The following RHBDD1 variants were observed in gnomAD, a reference collection of about 807,000 sequenced individuals.
RHBDD1 encodes rhomboid domain containing 1.
In RHBDD1, 38 loss-of-function variants were observed where a neutral mutation model predicts 36.3. That is an observed-to-expected ratio of 1.05 (90% confidence interval 0.81 to 1.37). The LOEUF is 1.37. RHBDD1 is among the 40% of genes most tolerant of loss of function. The pLI is 0.00. For missense variants in RHBDD1, 393 were observed against 377.6 expected, an observed-to-expected ratio of 1.04 and a Z score of -0.34; for synonymous variants, 151 against 136.5, an observed-to-expected ratio of 1.11 and a Z score of -0.74.
chr2:226,803,308 A>ATGTGTG, the RHBDD1 span, among the ~76,000 whole-genome samples: 1,391 of 149,362 alleles, frequency 9.3e-3, 21 homozygotes, highest in African/African-American at 0.032. Flanking sequence ...GATGACTAAA[A>ATGTGTG]TGTGTGTGTG....
At chr2:226,930,692 T>C (rs568976670) in intron 8 of RHBDD1, among the ~76,000 whole-genome samples, 65 of 151,630 alleles carry the variant, frequency 4.3e-4, no homozygotes, top group African/African-American at 1.5e-3. Flanking sequence ...ATTATCAGAG[T>C]AAAATACAAC....
intron 8 of RHBDD1, among the ~76,000 whole-genome samples, chr2:226,916,457 C>G (rs1948917993): frequency 6.6e-6 from 1 of 152,112 alleles, no homozygotes; most frequent in Non-Finnish European, 1.5e-5. Context: ...ACTGGGCTAT[C>G]CATGAAATAT....
chr2:226,838,486 C>T (rs1431557585), intron 2 of RHBDD1, among the ~76,000 whole-genome samples: 1 of 152,138 alleles, frequency 6.6e-6, no homozygotes, highest in African/African-American at 2.4e-5. Flanking sequence ...AACATCCTCC[C>T]CACTTGAATT....
At chr2:226,839,297 A>G (rs1941354490) in intron 2 of RHBDD1, 112 bp from the exon 3 acceptor site, 1 of 152,178 alleles carries the variant, frequency 6.6e-6, no homozygotes, top group Admixed American at 6.5e-5. Flanking sequence ...GTATATGTAA[A>G]TGTTCTTTAA....
chr2:226,967,070 A>G (rs1040473093), intron 8 of RHBDD1, among the ~76,000 whole-genome samples: 8 of 152,166 alleles, frequency 5.3e-5, no homozygotes, highest in African/African-American at 1.4e-4. Flanking sequence ...TTTTCTAACA[A>G]ATTCCCTGAT....
At chr2:226,815,342 A>G in the RHBDD1 span, among the ~76,000 whole-genome samples, 1 of 152,212 alleles carries the variant, frequency 6.6e-6, no homozygotes, top group Non-Finnish European at 1.5e-5. Context: ...TTATTTTTAT[A>G]TCTTCTAACA....
chr2:226,844,935 G>C (rs1165078732), intron 3 of RHBDD1, among the ~76,000 whole-genome samples: 1 of 152,108 alleles, frequency 6.6e-6, no homozygotes, highest in Non-Finnish European at 1.5e-5. Flanking sequence ...TATTTTTTAT[G>C]TATAAATATA....
intron 5 of RHBDD1, among the ~76,000 whole-genome samples, chr2:226,875,929 G>GGT (rs1185971617): frequency 5.3e-5 from 8 of 152,206 alleles, no homozygotes; most frequent in Admixed American, 5.2e-4. Context: ...ACATGTGAAG[G>GGT]ATTCTGAAAA....
intron 3 of RHBDD1, among the ~76,000 whole-genome samples, chr2:226,855,012 G>A (rs1281753065): frequency 6.6e-6 from 1 of 152,178 alleles, no homozygotes; most frequent in East Asian, 1.9e-4. Context: ...CAATTTAGTG[G>A]TCTTAAATCC....
chr2:226,901,659 G>A (rs1947607564), intron 5 of RHBDD1, among the ~76,000 whole-genome samples: 1 of 152,058 alleles, frequency 6.6e-6, no homozygotes, highest in African/African-American at 2.4e-5. Context: ...TCATGTACCT[G>A]TTGCCCATTC....
At chr2:226,862,030 A>G (rs976850950) in intron 3 of RHBDD1, among the ~76,000 whole-genome samples, 2 of 152,024 alleles carry the variant, frequency 1.3e-5, no homozygotes, top group Non-Finnish European at 2.9e-5. Context: ...ATGCATACAC[A>G]TATATATATA....
intron 8 of RHBDD1, among the ~76,000 whole-genome samples, chr2:226,954,791 C>T (rs370728798): frequency 1.3e-5 from 2 of 151,916 alleles, no homozygotes; most frequent in East Asian, 3.9e-4. Flanking sequence ...TCACCAAAGA[C>T]CTTTCTAAGG....
intron 8 of RHBDD1, among the ~76,000 whole-genome samples, chr2:226,959,243 G>A (rs765493399): frequency 2.6e-5 from 4 of 152,140 alleles, no homozygotes; most frequent in South Asian, 2.1e-4. Context: ...CGTATAACAC[G>A]TAGCAAGCTA....
intron 6 of RHBDD1, among the ~76,000 whole-genome samples, chr2:226,907,968 C>CT (rs1349882875): frequency 6.6e-6 from 1 of 151,896 alleles, no homozygotes; most frequent in African/African-American, 2.4e-5. Context: ...CATGATGAAG[C>CT]GGTTAGTAAA....
intron 3 of RHBDD1, among the ~76,000 whole-genome samples, chr2:226,843,199 G>A (rs1941858810): frequency 6.6e-6 from 1 of 152,120 alleles, no homozygotes. Flanking sequence ...TCTAGATATA[G>A]GATCATGTCA....
chr2:226,986,438 G>C (rs561204310), intron 8 of RHBDD1, among the ~76,000 whole-genome samples: 1 of 151,910 alleles, frequency 6.6e-6, no homozygotes, highest in Non-Finnish European at 1.5e-5. Flanking sequence ...CAACTTTTAC[G>C]TAAATTTAAA....
Position 226,997,114 on chromosome 2 carries a change from C to T in RHBDD1, c.*1592C>T, listed in dbSNP as rs1959572068. Reference sequence around the variant, plus strand: ...CTGCATGGAAATGAGCTAAGAAAACCACTGGAGCCTTGGGAGCTCTTTGGC... The same window carrying T: ...CTGCATGGAAATGAGCTAAGAAAACTACTGGAGCCTTGGGAGCTCTTTGGC... On this transcript the variant is annotated 3_prime_UTR_variant, in exon 9 of 9. Coordinates refer to ENST00000392062, the MANE Select transcript of RHBDD1 (RefSeq NM_001167608.3). 6.6e-6 allele frequency: 1 copy of T among 152,146 alleles called. No homozygotes were observed. Among genetic ancestry groups the T allele is most frequent in the African/African-American group, 2.4e-5 (1 of 41,408 alleles). The allele number at this position is 152,146 out of a possible 1,614,324, so 9.4% of individuals were successfully genotyped here.
chr2:226,837,864 A>C (rs989870243), intron 1 of RHBDD1: 1 of 152,192 alleles, frequency 6.6e-6, no homozygotes, highest in Non-Finnish European at 1.5e-5. Context: ...AGAGTTGAGA[A>C]TTATTGTAAC....
At chr2:226,848,413 A>G (rs1056242949) in intron 3 of RHBDD1, among the ~76,000 whole-genome samples, 13 of 152,166 alleles carry the variant, frequency 8.5e-5, no homozygotes, top group African/African-American at 1.4e-4. Flanking sequence ...TAATTTTTTG[A>G]TAGTCAAAGT....
Sources: allele counts gnomAD v4.1 joint callset (sites outside exome capture counted in the v4.1 genomes callset), GRCh38; gene constraint gnomAD v4.1.1; transcripts MANE v1.5; gene names NCBI Gene and HGNC (gene_info 2026-07-23, HGNC 2026-07-21).